The following RHOBTB1 variants were observed in gnomAD, a reference collection of about 807,000 sequenced individuals.
RHOBTB1 encodes the protein Rho related BTB domain containing 1.
In RHOBTB1, 40 loss-of-function variants were observed where a neutral mutation model predicts 71.6. The ratio of observed to expected loss-of-function variants is 0.56; its 90% CI spans 0.43 to 0.73. The LOEUF (loss-of-function observed/expected upper bound fraction) is 0.73, where lower values mean the gene tolerates loss of function less well. Ranked by LOEUF, RHOBTB1 falls within the 30% of genes least tolerant of loss-of-function variation. The pLI, the probability that RHOBTB1 is intolerant of heterozygous loss-of-function variation, is 0.00. For missense variants in RHOBTB1, 797 were observed against 894.0 expected (o/e 0.89, Z 1.38); for synonymous variants, 319 against 334.9 (o/e 0.95, Z 0.52).
upstream of RHOBTB1, chr10:61,001,557 C>T (rs1418757626): frequency 6.6e-6 from 1 of 151,918 alleles, no homozygotes; most frequent in African/African-American, 2.4e-5. Context: ...CATCCCGGGC[C>T]ACAGTCCCCG....
intron 1 of RHOBTB1, among the ~76,000 whole-genome samples, chr10:61,000,841 C>T (rs2087237220): frequency 6.6e-6 from 1 of 152,124 alleles, no homozygotes; most frequent in Admixed American, 6.5e-5. Context: ...TTGACCCAAA[C>T]CTTTTTACAG....
chr10:60,867,026 G>A (rs569553502), downstream of RHOBTB1, among the ~76,000 whole-genome samples: 17 of 152,168 alleles, frequency 1.1e-4, no homozygotes, highest in Admixed American at 2.6e-4. Context: ...TTTGTGTTTC[G>A]CTTCCATTCA....
intron 2 of RHOBTB1, among the ~76,000 whole-genome samples, chr10:60,920,302 T>TG (rs1368333902): frequency 1.3e-5 from 2 of 151,888 alleles, no homozygotes; most frequent in Non-Finnish European, 2.9e-5. Flanking sequence ...ATCACAAATT[T>TG]GGGGGGTCCT....
downstream of RHOBTB1, among the ~76,000 whole-genome samples, chr10:60,865,075 A>G (rs1291820763): frequency 1.3e-5 from 2 of 152,198 alleles, no homozygotes; most frequent in Non-Finnish European, 2.9e-5. Context: ...AAACCTGGTA[A>G]TGGGAGAGGG....
intron 2 of RHOBTB1, among the ~76,000 whole-genome samples, chr10:60,953,066 G>A (rs2085468851): frequency 6.6e-6 from 1 of 152,154 alleles, no homozygotes; most frequent in African/African-American, 2.4e-5. Flanking sequence ...CCTTGTGCCA[G>A]CAAGGTCAGG....
At chr10:60,879,824 A>AT (rs1165818458) in intron 7 of RHOBTB1, among the ~76,000 whole-genome samples, 1 of 152,134 alleles carries the variant, frequency 6.6e-6, no homozygotes, top group Non-Finnish European at 1.5e-5. Context: ...ACACTCAGGC[A>AT]CACACATGCA....
At chr10:60,910,048 T>C (rs1311726717) in intron 4 of RHOBTB1, among the ~76,000 whole-genome samples, 2 of 152,192 alleles carry the variant, frequency 1.3e-5, no homozygotes, top group Admixed American at 1.3e-4. Context: ...AATAAAATCC[T>C]GTAAGGTGAT....
intron 1 of RHOBTB1, among the ~76,000 whole-genome samples, chr10:60,942,400 A>C (rs1238505240): frequency 6.6e-6 from 1 of 152,198 alleles, no homozygotes; most frequent in Non-Finnish European, 1.5e-5. Flanking sequence ...ATTTTACACT[A>C]TCTTCAAACT....
chr10:60,886,693 A>G (rs908458307), intron 6 of RHOBTB1, among the ~76,000 whole-genome samples: 1 of 146,490 alleles, frequency 6.8e-6, no homozygotes, highest in African/African-American at 2.5e-5. Flanking sequence ...AATGTAACCG[A>G]ATTACTGTTT....
intron 1 of RHOBTB1, among the ~76,000 whole-genome samples, chr10:60,986,786 C>T (rs969778070): frequency 6.6e-6 from 1 of 152,016 alleles, no homozygotes; most frequent in Non-Finnish European, 1.5e-5. Context: ...TGTATTATTC[C>T]TAGAAACAAA....
chr10:60,876,215 A>C (rs953443378), intron 8 of RHOBTB1, among the ~76,000 whole-genome samples: 6 of 152,192 alleles, frequency 3.9e-5, no homozygotes, highest in African/African-American at 7.2e-5. Flanking sequence ...GTAGAAACTG[A>C]TTTTTAAACA....
chr10:60,958,922 A>G (rs118012519), intron 2 of RHOBTB1, among the ~76,000 whole-genome samples: 2 of 152,244 alleles, frequency 1.3e-5, no homozygotes, highest in Non-Finnish European at 2.9e-5. Context: ...ATTTAAATAA[A>G]AAGACTTCAT....
At chr10:60,919,393 T>C (rs144974860) in intron 2 of RHOBTB1, among the ~76,000 whole-genome samples, 73 of 152,344 alleles carry the variant, frequency 4.8e-4, no homozygotes, top group African/African-American at 1.7e-3. Flanking sequence ...GTTTCGATTG[T>C]GCAGATTTCA....
chr10:60,937,743 G>C (rs2084671883), intron 2 of RHOBTB1, among the ~76,000 whole-genome samples: 1 of 152,168 alleles, frequency 6.6e-6, no homozygotes, highest in South Asian at 2.1e-4. Context: ...AAGAAAAAAA[G>C]GTTCCTATAA....
rs1485158364 is a variant in RHOBTB1 at position 60,874,942 on chromosome 10, A to G, written c.1815+12T>C. Reference sequence around the variant, plus strand: ...AACACACTTAAAAGGTAAAAAGCAAACTGTTACAAACCTGAGCCAATTCCA... The same window carrying G: ...AACACACTTAAAAGGTAAAAAGCAAGCTGTTACAAACCTGAGCCAATTCCA... On this transcript the variant is annotated intron_variant, in intron 9 of 10. Transcript: ENST00000337910. 1 of 1,591,216 alleles carries G rather than the reference A, an allele frequency of 6.3e-7. No individual in the cohort carries two copies. The highest frequency in any genetic ancestry group is 1.7e-5 in the Admixed American group (1 of 59,986).
chr10:60,888,019 G>C lies in RHOBTB1; in HGVS notation c.1456+193C>G, dbSNP rs553382167. Reference sequence around the variant, plus strand: ...CCTTGGTTTCTCCACCTGCAAAATGGAGACAATCATATTTAACCTTTAAGT... The same window carrying C: ...CCTTGGTTTCTCCACCTGCAAAATGCAGACAATCATATTTAACCTTTAAGT... On this transcript the variant is annotated intron_variant, in intron 6 of 10. Coordinates refer to ENST00000337910, the MANE Select transcript of RHOBTB1 (RefSeq NM_014836.5). Among the ~76,000 whole-genome samples, 15 of 152,276 alleles carry C rather than the reference G, an allele frequency of 9.9e-5. No homozygotes were observed. In the East Asian group the frequency reaches 2.9e-3, roughly 29 times the overall value.
intron 8 of RHOBTB1, among the ~76,000 whole-genome samples, chr10:60,876,130 C>G (rs1289151291): frequency 1.3e-5 from 2 of 152,194 alleles, no homozygotes; most frequent in South Asian, 2.1e-4. Flanking sequence ...GAGAAGTCAT[C>G]TGGGCTTTGC....
intron 2 of RHOBTB1, among the ~76,000 whole-genome samples, chr10:60,928,692 G>A (rs1376750305): frequency 1.3e-5 from 2 of 151,934 alleles, no homozygotes; most frequent in African/African-American, 4.8e-5. Context: ...CATAGAAGGA[G>A]TAAGATCTAG....
chr10:60,980,603 T>C (rs552976730), intron 2 of RHOBTB1, among the ~76,000 whole-genome samples: 1 of 149,792 alleles, frequency 6.7e-6, no homozygotes. Context: ...AACCCAGAGT[T>C]TGGATTAATT....
Sources: allele counts gnomAD v4.1 joint callset (sites outside exome capture counted in the v4.1 genomes callset), GRCh38; gene constraint gnomAD v4.1.1; transcripts MANE v1.5; gene names NCBI Gene and HGNC (gene_info 2026-07-23, HGNC 2026-07-21).